Variants in PTPRG observed in about 807,000 individuals in gnomAD.
The protein encoded by PTPRG is protein tyrosine phosphatase receptor type G.
Under a neutral mutation model 165.3 loss-of-function variants are expected in PTPRG, and 102 were observed. That is an observed-to-expected ratio of 0.62 (90% confidence interval 0.53 to 0.73). The LOEUF (loss-of-function observed/expected upper bound fraction) is 0.73. Ranked by LOEUF, PTPRG falls within the 30% of genes least tolerant of loss-of-function variation. The probability of loss-of-function intolerance (pLI) is 0.00; values close to 1 mark genes in which losing one functional copy is unlikely to be tolerated. For synonymous variants in PTPRG, 675 were observed against 669.5 expected, an observed-to-expected ratio of 1.01 and a Z score of -0.13; for missense variants, 1,866 against 1,861.4, an observed-to-expected ratio of 1.00 and a Z score of -0.05.
At chr3:62,276,784 T>G in intron 24 of PTPRG, 188 bp from the exon 25 acceptor site, 1 of 565,708 alleles carries the variant, frequency 1.8e-6, no homozygotes, top group Non-Finnish European at 3.1e-6. Context: ...CTTCTGGGTA[T>G]GTGCAGCAAA....
chr3:61,566,899 T>C (rs1408647016), intron 1 of PTPRG, among the ~76,000 whole-genome samples: 2 of 152,252 alleles, frequency 1.3e-5, no homozygotes, highest in South Asian at 2.1e-4. Context: ...TCTAGGCAGG[T>C]TGAAGATTGC....
At chr3:62,160,324 C>G (rs1340414271) in intron 7 of PTPRG, among the ~76,000 whole-genome samples, 1 of 152,192 alleles carries the variant, frequency 6.6e-6, no homozygotes, top group Non-Finnish European at 1.5e-5. Context: ...TCAAGTCAGC[C>G]CTGCCAGCCT....
intron 2 of PTPRG, among the ~76,000 whole-genome samples, chr3:61,826,797 A>G (rs574910747): frequency 1.0e-3 from 156 of 151,588 alleles, no homozygotes; most frequent in Admixed American, 2.8e-3. Flanking sequence ...ATTAGACATG[A>G]TAGCCAAATA....
intron 6 of PTPRG, among the ~76,000 whole-genome samples, chr3:62,145,860 T>A (rs1262310372): frequency 6.6e-6 from 1 of 152,212 alleles, no homozygotes; most frequent in Non-Finnish European, 1.5e-5. Flanking sequence ...TTGAACCCAG[T>A]TGTATTGGAC....
rs1211298922 is a variant in PTPRG at position 62,255,777 on chromosome 3, A to G, written c.2559+562A>G. Among the ~76,000 whole-genome samples the G allele has an allele frequency of 6.6e-6, 1 of 152,216 alleles. No homozygotes were observed. The highest frequency in any genetic ancestry group is 1.5e-5 in the Non-Finnish European group (1 of 68,040). On this transcript the variant is annotated intron_variant, in intron 16 of 29. Coordinates refer to ENST00000474889, the MANE Select transcript of PTPRG (RefSeq NM_002841.4). The surrounding 1 kb of genome is among the most constrained non-coding windows in gnomAD (Gnocchi z 4.0). ...TAAAAGTGCCAAGTTCATTGTTAAG[A>G]ACCATGCAAAGGTTGACTGTTGTTG...
chr3:61,598,807 C>A (rs1700766909), intron 1 of PTPRG, among the ~76,000 whole-genome samples: 1 of 152,086 alleles, frequency 6.6e-6, no homozygotes, highest in Non-Finnish European at 1.5e-5. Flanking sequence ...GTGCCCTCCC[C>A]TAGCTTCTGG....
chr3:61,737,426 AC>A (rs1194461190), intron 1 of PTPRG, among the ~76,000 whole-genome samples: 4 of 152,172 alleles, frequency 2.6e-5, no homozygotes, highest in Non-Finnish European at 5.9e-5. Flanking sequence ...CCTAAATCTT[AC>A]CAAACTTCCT....
intron 2 of PTPRG, among the ~76,000 whole-genome samples, chr3:61,962,258 C>G (rs1038274024): frequency 1.3e-5 from 2 of 152,142 alleles, no homozygotes; most frequent in African/African-American, 4.8e-5. Flanking sequence ...AATAGACTGT[C>G]TAAAAGGAAT....
At chr3:62,136,742 T>TCTTCTCTTGTG (rs1703723139) in intron 6 of PTPRG, among the ~76,000 whole-genome samples, 1 of 152,162 alleles carries the variant, frequency 6.6e-6, no homozygotes, top group African/African-American at 2.4e-5. Flanking sequence ...GCACAAGCTG[T>TCTTCTCTTGTG]CTTCTCTTGT....
chr3:61,735,909 ATTTTTT>A, intron 1 of PTPRG, among the ~76,000 whole-genome samples: 1 of 145,064 alleles, frequency 6.9e-6, no homozygotes, highest in East Asian at 2.0e-4. Flanking sequence ...TAAAACAATG[ATTTTTT>A]TTTTTTTTTG....
chr3:61,997,535 G>A (rs936953512), intron 3 of PTPRG, among the ~76,000 whole-genome samples: 14 of 152,008 alleles, frequency 9.2e-5, no homozygotes, highest in African/African-American at 7.3e-5. Context: ...GCACTTCCCC[G>A]GGGTAGCTCC....
chr3:61,743,393 C>T (rs2033079399), intron 1 of PTPRG, among the ~76,000 whole-genome samples: 1 of 152,170 alleles, frequency 6.6e-6, no homozygotes, highest in Admixed American at 6.5e-5. Flanking sequence ...CTCAGATTTT[C>T]CTGTATGATG....
intron 2 of PTPRG, chr3:61,750,551 T>C (rs113220602): frequency 3.3e-5 from 5 of 152,348 alleles, no homozygotes; most frequent in African/African-American, 1.2e-4. Context: ...AATTTGGGTA[T>C]TGCCTCCAGT....
At chr3:61,859,195 A>G (rs2037193119) in intron 2 of PTPRG, among the ~76,000 whole-genome samples, 1 of 152,174 alleles carries the variant, frequency 6.6e-6, no homozygotes, top group Non-Finnish European at 1.5e-5. Flanking sequence ...GCTTTTATTA[A>G]TGCTGGGGTT....
intron 1 of PTPRG, among the ~76,000 whole-genome samples, chr3:61,585,974 A>C (rs1470430785): frequency 1.3e-5 from 2 of 152,224 alleles, no homozygotes; most frequent in Non-Finnish European, 2.9e-5. Flanking sequence ...TGGTAATCAC[A>C]GTGGAATATG....
chr3:61,568,514 TTGG>T, intron 1 of PTPRG, among the ~76,000 whole-genome samples: 1 of 152,312 alleles, frequency 6.6e-6, no homozygotes, highest in South Asian at 2.1e-4. Flanking sequence ...GGCAAGATAT[TTGG>T]TGTTTTGACA....
chr3:62,076,145 G>A (rs531977317), intron 4 of PTPRG, among the ~76,000 whole-genome samples: 42 of 152,088 alleles, frequency 2.8e-4, no homozygotes, highest in Non-Finnish European at 4.7e-4. Context: ...AAACTAGCCC[G>A]ATATGGTGGT....
At chr3:62,120,920 CTTATT>C in intron 5 of PTPRG, among the ~76,000 whole-genome samples, 1 of 151,938 alleles carries the variant, frequency 6.6e-6, no homozygotes, top group Admixed American at 6.6e-5. Context: ...GGCATGCCTG[CTTATT>C]TGGGAGAAAG....
intron 2 of PTPRG, among the ~76,000 whole-genome samples, chr3:61,930,574 G>A (rs113863880): frequency 0.01 from 1,589 of 152,276 alleles, 28 homozygotes; most frequent in African/African-American, 0.036. Flanking sequence ...ATTACAAGGA[G>A]GAAAGGATGG....
Sources: gnomAD v4.1 joint callset for allele counts (sites outside exome capture counted in the v4.1 genomes callset) on GRCh38, gnomAD v4.1.1 for gene constraint, Gnocchi (gnomAD v3.1) non-coding constraint, MANE v1.5 for transcripts, NCBI Gene and HGNC (gene_info 2026-07-23, HGNC 2026-07-21) for gene names.